The following N4BP1 variants were observed in gnomAD, a reference collection of about 807,000 sequenced individuals.
N4BP1 encodes NEDD4 binding protein 1, also known as NEDD4-binding protein 1.
A neutral mutation model predicts 70.9 loss-of-function variants in N4BP1; 21 were observed. The observed-to-expected ratio is 0.30, with a 90% CI of 0.21 to 0.43. The LOEUF is 0.43. Among genes scored for constraint, N4BP1 ranks in the 20% least tolerant of loss-of-function variants. The pLI, the probability that N4BP1 is intolerant of heterozygous loss-of-function variation, is 1.00. For synonymous variants in N4BP1, 387 were observed against 394.6 expected (o/e 0.98, Z 0.23); for missense variants, 936 against 1,069.4 (o/e 0.88, Z 1.74).
At chr16:48,606,868 T>G (rs551161855) in intron 1 of N4BP1, among the ~76,000 whole-genome samples, 1 of 152,236 alleles carries the variant, frequency 6.6e-6, no homozygotes, top group Non-Finnish European at 1.5e-5. Context: ...GCTCTAAATC[T>G]TCCTTCCTCT....
At chr16:48,607,386 G>A (rs970326160) in intron 1 of N4BP1, among the ~76,000 whole-genome samples, 9 of 152,220 alleles carry the variant, frequency 5.9e-5, no homozygotes, top group Admixed American at 1.3e-4. Context: ...TAAGCTGAAA[G>A]GTGCTAAACC....
chr16:48,606,667 C>T (rs2151104606), intron 1 of N4BP1, among the ~76,000 whole-genome samples: 1 of 152,364 alleles, frequency 6.6e-6, no homozygotes, highest in Non-Finnish European at 1.5e-5. Flanking sequence ...CTAGTAGTTT[C>T]CATTTCGCCC....
intron 3 of N4BP1, 62 bp from the exon 4 acceptor site, chr16:48,551,544 A>C: frequency 8.5e-7 from 1 of 1,176,038 alleles, no homozygotes; most frequent in Admixed American, 2.1e-5. Flanking sequence ...ATGTATCAAG[A>C]AATGAAAGTA....
rs577550906 is a variant in N4BP1 at position 48,540,693 on chromosome 16, G to A, written c.*2211C>T. ...GCCACCTACTTTACATGGATGCCAC[G>A]AAGTGGGAGAGCCTGAGCAGTAGAC... On this transcript the variant is annotated 3_prime_UTR_variant, in exon 7 of 7. Transcript: ENST00000262384. 1.3e-5 allele frequency: 2 copies of A among 152,380 alleles called. No individual in the cohort carries two copies. Among genetic ancestry groups the A allele is most frequent in the East Asian group, 1.9e-4 (1 of 5,190 alleles). The allele number at this position is 152,380 out of a possible 1,614,324, so 9.4% of individuals were successfully genotyped here.
At chr16:48,609,678 G>A (rs1450861030) in intron 1 of N4BP1, 97 bp downstream of exon 1, 1 of 1,071,446 alleles carries the variant, frequency 9.3e-7, no homozygotes, top group African/African-American at 1.6e-5. Context: ...CCCAACCCAG[G>A]CGCATCGCGG....
At chr16:48,560,535 G>A in intron 2 of N4BP1, 1 of 517,938 alleles carries the variant, frequency 1.9e-6, no homozygotes, top group Non-Finnish European at 3.3e-6. Context: ...CTTGCCCTTA[G>A]AAATTAAGTT....
chr16:48,588,609 T>C (rs1027810388), intron 1 of N4BP1, among the ~76,000 whole-genome samples: 7 of 152,124 alleles, frequency 4.6e-5, no homozygotes, highest in Non-Finnish European at 1.5e-5. Flanking sequence ...TATCACACTA[T>C]TCTCTAGCAG....
At position 48,562,339 on chromosome 16, in the gene N4BP1, A is replaced by T; in HGVS notation, c.304T>A (p.Leu102Met). The T allele has an allele frequency of 6.2e-7, 1 of 1,613,918 alleles. No homozygotes were observed. Among genetic ancestry groups the T allele is most frequent in the Non-Finnish European group, 8.5e-7 (1 of 1,179,854 alleles). Residue 102 changes from leucine (L) to methionine (M), a missense_variant, in exon 2 of 7, where the codon TTG (leucine) becomes ATG (methionine). Transcript: ENST00000262384. ...VGAESLFLKS[L>M]IQDTCADLCI... ...AGGTCAGCACAAGTATCCTGAATCA[A>T]GCTTTTCAGAAACAGGCTCTCTGCC...
chr16:48,551,122 T>TAG (rs1197750848), intron 4 of N4BP1, among the ~76,000 whole-genome samples: 7 of 152,274 alleles, frequency 4.6e-5, no homozygotes, highest in African/African-American at 1.7e-4. Flanking sequence ...CAAACATTAC[T>TAG]TTTAGCACCT....
chr16:48,606,017 T>C (rs1024790384), intron 1 of N4BP1, among the ~76,000 whole-genome samples: 1 of 152,202 alleles, frequency 6.6e-6, no homozygotes, highest in African/African-American at 2.4e-5. Context: ...CACATTGCAG[T>C]TGTTGTATGT....
intron 1 of N4BP1, among the ~76,000 whole-genome samples, chr16:48,579,553 G>A (rs1377528661): frequency 1.3e-5 from 2 of 152,096 alleles, no homozygotes; most frequent in South Asian, 2.1e-4. Context: ...AACTATCTCA[G>A]TCTGCTAGAA....
chr16:48,560,715 C>T, intron 2 of N4BP1, 39 bp downstream of exon 2: 1 of 1,553,578 alleles, frequency 6.4e-7, no homozygotes, highest in Non-Finnish European at 8.7e-7. Context: ...CATTTAGAGC[C>T]CTATTTAAAA....
intron 1 of N4BP1, among the ~76,000 whole-genome samples, chr16:48,570,241 G>T (rs1207009057): frequency 1.3e-5 from 2 of 152,208 alleles, no homozygotes; most frequent in African/African-American, 4.8e-5. Context: ...GCTTTTCCTG[G>T]TGTGTCCTGG....
intron 1 of N4BP1, among the ~76,000 whole-genome samples, chr16:48,571,057 G>A (rs1226025835): frequency 6.6e-6 from 1 of 152,194 alleles, no homozygotes; most frequent in Non-Finnish European, 1.5e-5. Context: ...CTCCCAAAGT[G>A]CCGGTATTAA....
chr16:48,597,428 G>A (rs908932237), intron 1 of N4BP1, among the ~76,000 whole-genome samples: 6 of 152,148 alleles, frequency 3.9e-5, no homozygotes, highest in Admixed American at 1.3e-4. Flanking sequence ...CCTTGTAACC[G>A]AAAGTCATGT....
At position 48,609,894 on chromosome 16, in the gene N4BP1, T is replaced by C; in HGVS notation, c.79A>G (p.Ile27Val). The C allele has an allele frequency of 6.8e-7, 1 of 1,477,458 alleles. No homozygotes were observed. Among genetic ancestry groups the C allele is most frequent in the Admixed American group, 2.2e-5 (1 of 45,290 alleles). 91.5% of individuals were successfully genotyped at this position (1,477,458 alleles called of 1,614,324 possible). ...AELLEQSRGR[I>V]EGLFGVSLAV... ...AGGCTCACGCCAAACAGGCCCTCGA[T>C]ACGGCCGCGGCTCTGCTCCAGCAGC... The change falls in exon 1 of 7, where the codon ATC (isoleucine) becomes GTC (valine). Residue 27 changes from isoleucine to valine, a missense_variant. Transcript: ENST00000262384.
intron 1 of N4BP1, among the ~76,000 whole-genome samples, chr16:48,569,595 T>C (rs1382416365): frequency 1.3e-5 from 2 of 152,124 alleles, no homozygotes; most frequent in Admixed American, 6.5e-5. Flanking sequence ...TTTCTCCATG[T>C]TGCCCAGGCT....
At chr16:48,562,780 C>A (rs1963880499) in intron 1 of N4BP1, among the ~76,000 whole-genome samples, 1 of 152,106 alleles carries the variant, frequency 6.6e-6, no homozygotes, top group Non-Finnish European at 1.5e-5. Flanking sequence ...GACATCTTTG[C>A]TTGCTACCAG....
At chr16:48,605,528 G>T (rs942014556) in intron 1 of N4BP1, among the ~76,000 whole-genome samples, 1 of 152,188 alleles carries the variant, frequency 6.6e-6, no homozygotes. Context: ...CTCCCAAGAT[G>T]TCTTCCAGCA....
Sources: allele counts gnomAD v4.1 joint callset (sites outside exome capture counted in the v4.1 genomes callset), GRCh38; gene constraint gnomAD v4.1.1; transcripts MANE v1.5; gene names NCBI Gene and HGNC (gene_info 2026-07-23, HGNC 2026-07-21).